The following FGGY variants were observed in gnomAD, a reference collection of about 807,000 sequenced individuals.
The protein encoded by FGGY is FGGY carbohydrate kinase domain-containing protein.
Under a neutral mutation model 71.3 loss-of-function variants are expected in FGGY, and 72 were observed. The ratio of observed to expected loss-of-function variants is 1.01; its 90% CI spans 0.84 to 1.23. The LOEUF (loss-of-function observed/expected upper bound fraction) is 1.23, where lower values mean the gene tolerates loss of function less well. Ranked by LOEUF, FGGY falls within the 50% of genes most tolerant of loss-of-function variation. The pLI, the probability that FGGY is intolerant of heterozygous loss-of-function variation, is 0.00. For missense variants in FGGY, 668 were observed against 682.3 expected (o/e 0.98, Z 0.23); for synonymous variants, 251 against 250.3 (o/e 1.00, Z -0.02).
At chr1:59,698,457 T>A (rs1162688896) in intron 14 of FGGY, among the ~76,000 whole-genome samples, 2 of 147,868 alleles carry the variant, frequency 1.4e-5, no homozygotes, top group Non-Finnish European at 3.0e-5. Context: ...CACACCCCCA[T>A]TACCAAAGTG....
At chr1:59,644,899 C>A (rs1016445255) in intron 11 of FGGY, among the ~76,000 whole-genome samples, 4 of 151,948 alleles carry the variant, frequency 2.6e-5, no homozygotes, top group African/African-American at 9.7e-5. Context: ...GTCGCTTGAA[C>A]CCAGGAGGCA....
chr1:59,401,344 T>C (rs1386399688), intron 5 of FGGY, among the ~76,000 whole-genome samples: 3 of 152,244 alleles, frequency 2.0e-5, no homozygotes, highest in African/African-American at 2.4e-5. Flanking sequence ...TATTATGTTA[T>C]TAACAATAAA....
At chr1:59,750,039 T>C (rs9726956) in intron 14 of FGGY, among the ~76,000 whole-genome samples, 55,483 of 152,072 alleles carry the variant, frequency 0.36, 11,406 homozygotes, top group South Asian at 0.49. Flanking sequence ...GAGAATGGGA[T>C]ACTGGAATTT....
intron 8 of FGGY, among the ~76,000 whole-genome samples, chr1:59,578,364 C>T (rs4408175): frequency 0.17 from 26,265 of 151,786 alleles, 2,848 homozygotes; most frequent in South Asian, 0.33. Flanking sequence ...AGCCAGATAA[C>T]AACGTATATG....
At chr1:59,395,409 T>C (rs1264210165) in intron 5 of FGGY, among the ~76,000 whole-genome samples, 1 of 152,194 alleles carries the variant, frequency 6.6e-6, no homozygotes, top group East Asian at 1.9e-4. Context: ...GTAATGACTT[T>C]GTAGCATTTT....
intron 7 of FGGY, among the ~76,000 whole-genome samples, chr1:59,522,934 C>T (rs1032019496): frequency 2.0e-5 from 3 of 152,316 alleles, no homozygotes; most frequent in African/African-American, 7.2e-5. Flanking sequence ...TTTAAACAAG[C>T]TCTGATCATC....
intron 6 of FGGY, among the ~76,000 whole-genome samples, chr1:59,469,334 A>G (rs991234631): frequency 2.6e-5 from 4 of 152,182 alleles, no homozygotes; most frequent in Admixed American, 1.3e-4. Flanking sequence ...ACTTCTGGGC[A>G]TCTGATAAGG....
intron 12 of FGGY, 58 bp downstream of exon 12, chr1:59,660,351 C>G: frequency 7.6e-7 from 1 of 1,311,944 alleles, no homozygotes; most frequent in Non-Finnish European, 1.1e-6. Flanking sequence ...TACTCTAGGC[C>G]ACTGGCTCCC....
At chr1:59,421,703 G>A (rs2065465707) in intron 5 of FGGY, among the ~76,000 whole-genome samples, 1 of 152,108 alleles carries the variant, frequency 6.6e-6, no homozygotes, top group South Asian at 2.1e-4. Flanking sequence ...TATTGTCTTG[G>A]CAATACAAAG....
At chr1:59,327,683 G>A (rs1470243854) in intron 2 of FGGY, among the ~76,000 whole-genome samples, 1 of 152,180 alleles carries the variant, frequency 6.6e-6, no homozygotes, top group Non-Finnish European at 1.5e-5. Context: ...TCAATTAGAG[G>A]AATCACTATC....
intron 4 of FGGY, among the ~76,000 whole-genome samples, chr1:59,369,574 C>T (rs1179931489): frequency 5.5e-4 from 83 of 152,286 alleles, no homozygotes; most frequent in South Asian, 1.2e-3. Context: ...TCTCCCAGCA[C>T]GCAGCTGGAG....
intron 2 of FGGY, among the ~76,000 whole-genome samples, chr1:59,327,370 C>T (rs2047633607): frequency 6.6e-6 from 1 of 152,166 alleles, no homozygotes. Flanking sequence ...GAAATCATTT[C>T]CTTTGTTCAT....
chr1:59,333,771 G>A (rs561297413), intron 2 of FGGY, among the ~76,000 whole-genome samples: 1 of 152,330 alleles, frequency 6.6e-6, no homozygotes, highest in South Asian at 2.1e-4. Context: ...AAGTCTTTGT[G>A]ACTCATTGTC....
chr1:59,391,561 G>T (rs910603077), intron 5 of FGGY, among the ~76,000 whole-genome samples: 2 of 152,156 alleles, frequency 1.3e-5, no homozygotes, highest in Non-Finnish European at 2.9e-5. Context: ...GATAGAAAAG[G>T]GTGAGAAGCC....
intron 5 of FGGY, among the ~76,000 whole-genome samples, chr1:59,411,190 C>T (rs959360690): frequency 1.2e-4 from 19 of 152,192 alleles, no homozygotes; most frequent in Admixed American, 1.3e-4. Flanking sequence ...ATGACCATGA[C>T]GTTTTTGGAG....
At chr1:59,692,650 AG>A (rs2097602117) in intron 14 of FGGY, among the ~76,000 whole-genome samples, 1 of 144,342 alleles carries the variant, frequency 6.9e-6, no homozygotes, top group East Asian at 2.0e-4. Flanking sequence ...AAAAAAAAAA[AG>A]TTGGGGGAGA....
intron 4 of FGGY, among the ~76,000 whole-genome samples, chr1:59,350,949 A>G (rs2053159622): frequency 6.6e-6 from 1 of 152,224 alleles, no homozygotes; most frequent in African/African-American, 2.4e-5. Context: ...AGTCTTGGCT[A>G]GAGGTTGGCA....
chr1:59,591,288 G>T (rs1209422635), intron 8 of FGGY, among the ~76,000 whole-genome samples: 1 of 152,166 alleles, frequency 6.6e-6, no homozygotes, highest in East Asian at 1.9e-4. Flanking sequence ...TGAAATAAAA[G>T]AGGATATAAA....
At chr1:59,746,202 G>A (rs1392957499) in intron 14 of FGGY, among the ~76,000 whole-genome samples, 1 of 152,096 alleles carries the variant, frequency 6.6e-6, no homozygotes, top group Non-Finnish European at 1.5e-5. Flanking sequence ...GGGGAGACAT[G>A]TGTCATTGTA....
Sources: allele counts gnomAD v4.1 joint callset (sites outside exome capture counted in the v4.1 genomes callset), GRCh38; gene constraint gnomAD v4.1.1; transcripts MANE v1.5; gene names NCBI Gene and HGNC (gene_info 2026-07-23, HGNC 2026-07-21).